The following C16orf74 variants were observed in gnomAD, a reference collection of about 807,000 sequenced individuals.
C16orf74 encodes uncharacterized protein C16orf74.
In C16orf74, 10 loss-of-function variants were observed where a neutral mutation model predicts 6.5. The observed-to-expected ratio is 1.54, with a 90% CI of 0.95 to 2.61. C16orf74 has a LOEUF of 2.61. C16orf74 is among the 30% of genes most tolerant of loss of function. C16orf74 has a pLI of 0.00. For synonymous variants in C16orf74, 60 were observed against 42.5 expected (o/e 1.41, Z -1.60); for missense variants, 141 against 105.9 (o/e 1.33, Z -1.45).
chr16:85,728,867 A>C (rs1303937346), intron 2 of C16orf74, among the ~76,000 whole-genome samples: 1 of 152,208 alleles, frequency 6.6e-6, no homozygotes, highest in Non-Finnish European at 1.5e-5. Context: ...CTCTGACCCC[A>C]GAGCCACTTT....
At chr16:85,737,524 C>T (rs2054257805) in intron 1 of C16orf74, among the ~76,000 whole-genome samples, 1 of 152,166 alleles carries the variant, frequency 6.6e-6, no homozygotes, top group South Asian at 2.1e-4. Context: ...ATAAGAAGAC[C>T]CTGTCTCTAT....
chr16:85,746,039 GT>G (rs1295091043), intron 1 of C16orf74, among the ~76,000 whole-genome samples: 3 of 152,184 alleles, frequency 2.0e-5, no homozygotes, highest in African/African-American at 7.2e-5. Flanking sequence ...ACTATTCATT[GT>G]TTATCTGCAG....
chr16:85,723,157 G>A (rs752190513), intron 2 of C16orf74, among the ~76,000 whole-genome samples: 23 of 151,824 alleles, frequency 1.5e-4, no homozygotes, highest in Non-Finnish European at 2.8e-4. Flanking sequence ...CTACTTGGGA[G>A]GCTGAGGCAG....
At position 85,730,109 on chromosome 16, in the gene C16orf74, G is replaced by A. The variant is rs527711687; in HGVS notation, c.28+5081C>T. Among the ~76,000 whole-genome samples the A allele has an allele frequency of 3.9e-5, 6 of 152,266 alleles. No individual in the cohort carries two copies. In the South Asian group the frequency reaches 1.0e-3, roughly 26 times the overall value. On this transcript the variant is annotated intron_variant, in intron 2 of 3. Transcript: ENST00000284245. Reference sequence around the variant, plus strand: ...CAGCCTCAGAGCCCCTGGGGGAGCTGAGGAAGGAGGAGGTGGCGAGGGCTG... The same window carrying A: ...CAGCCTCAGAGCCCCTGGGGGAGCTAAGGAAGGAGGAGGTGGCGAGGGCTG...
intron 2 of C16orf74, among the ~76,000 whole-genome samples, chr16:85,733,541 G>T (rs1408127806): frequency 6.6e-6 from 1 of 152,154 alleles, no homozygotes; most frequent in Non-Finnish European, 1.5e-5. Flanking sequence ...GGTTAAAACG[G>T]TAAGTTTATG....
intron 2 of C16orf74, among the ~76,000 whole-genome samples, chr16:85,734,542 G>A (rs115562759): frequency 0.013 from 1,915 of 152,314 alleles, 38 homozygotes; most frequent in African/African-American, 0.044. Flanking sequence ...CAGGCAGCGG[G>A]GCCGCAAGTC....
At chr16:85,710,935 C>G (rs776704288) in intron 2 of C16orf74, 1 of 152,304 alleles carries the variant, frequency 6.6e-6, no homozygotes, top group East Asian at 1.9e-4. Context: ...GCTGTGAACA[C>G]CTGGAGGACA....
At chr16:85,714,550 G>A (rs1349111637) in intron 2 of C16orf74, among the ~76,000 whole-genome samples, 3 of 151,868 alleles carry the variant, frequency 2.0e-5, no homozygotes, top group African/African-American at 7.3e-5. Flanking sequence ...CTCCCTAGTA[G>A]CTGGGATTAC....
chr16:85,711,169 C>G (rs910156962), intron 2 of C16orf74, among the ~76,000 whole-genome samples: 2 of 151,542 alleles, frequency 1.3e-5, no homozygotes, highest in African/African-American at 4.9e-5. Flanking sequence ...CGAAAATTAG[C>G]CCGGTGTGGT....
chr16:85,737,443 A>G (rs1353123343), intron 1 of C16orf74, among the ~76,000 whole-genome samples: 1 of 152,218 alleles, frequency 6.6e-6, no homozygotes, highest in Non-Finnish European at 1.5e-5. Flanking sequence ...CGCACCTGTC[A>G]TCCCAGCACT....
At chr16:85,711,163 A>T (rs112843604) in intron 2 of C16orf74, among the ~76,000 whole-genome samples, 2 of 151,750 alleles carry the variant, frequency 1.3e-5, no homozygotes, top group Admixed American at 1.3e-4. Flanking sequence ...AAAATACGAA[A>T]ATTAGCCCGG....
At chr16:85,731,498 G>C (rs934687063) in intron 2 of C16orf74, among the ~76,000 whole-genome samples, 3 of 152,186 alleles carry the variant, frequency 2.0e-5, no homozygotes. Context: ...TGCGGGGCTA[G>C]AGCAGAGGGG....
At chr16:85,713,745 A>C (rs1008556660) in intron 2 of C16orf74, among the ~76,000 whole-genome samples, 2 of 133,188 alleles carry the variant, frequency 1.5e-5, no homozygotes, top group African/African-American at 5.8e-5. Flanking sequence ...GACACGGTTC[A>C]ATCCTTAAAG....
intron 2 of C16orf74, among the ~76,000 whole-genome samples, chr16:85,722,983 A>G (rs2054097713): frequency 6.6e-6 from 1 of 152,204 alleles, no homozygotes; most frequent in Admixed American, 6.5e-5. Flanking sequence ...TCACACAGCT[A>G]ATTTCAGGCT....
intron 2 of C16orf74, among the ~76,000 whole-genome samples, chr16:85,725,236 G>C (rs181318749): frequency 6.6e-6 from 1 of 152,076 alleles, no homozygotes; most frequent in Admixed American, 6.5e-5. Context: ...TGTCTCTCAG[G>C]AGCTCCTGCC....
At chr16:85,720,910 A>G (rs1015702501) in intron 2 of C16orf74, among the ~76,000 whole-genome samples, 7 of 151,846 alleles carry the variant, frequency 4.6e-5, no homozygotes, top group African/African-American at 1.7e-4. Flanking sequence ...CAACATGGTG[A>G]AAACTCATCT....
chr16:85,748,731 G>C (rs1349086275), intron 1 of C16orf74, among the ~76,000 whole-genome samples: 1 of 152,052 alleles, frequency 6.6e-6, no homozygotes, highest in Non-Finnish European at 1.5e-5. Flanking sequence ...AGACTTAAAG[G>C]GACTGTCCTA....
chr16:85,746,217 G>A lies in C16orf74; in HGVS notation c.-19+4709C>T, dbSNP rs554822563. 2.0e-5 allele frequency among the ~76,000 whole-genome samples: 3 copies of A among 152,216 alleles called. No individual in the cohort carries two copies. In the East Asian group the frequency reaches 5.8e-4, roughly 29 times the overall value. On this transcript the variant is annotated intron_variant, in intron 1 of 3. Transcript: ENST00000284245. ...ATACAAAAATTAACTGGGCATGGCA[G>A]AGGGCGCCTGTAATCCCAGCTACTA...
rs543690175 is a variant in C16orf74 at position 85,709,032 on chromosome 16, G to A, written c.173-966C>T. Among the ~76,000 whole-genome samples, 5 of 152,378 alleles carry A rather than the reference G, an allele frequency of 3.3e-5. No homozygotes were observed. In the East Asian group the frequency reaches 9.6e-4, roughly 29 times the overall value. On this transcript the variant is annotated intron_variant, in intron 3 of 3. Transcript: ENST00000284245. ...GGCACCCGTGACTAGCACATGGCAAGTGTCTCAGCCTCTCTCAACCTTAGT... is the reference window on the plus strand; with the variant it reads ...GGCACCCGTGACTAGCACATGGCAAATGTCTCAGCCTCTCTCAACCTTAGT...
Sources: gnomAD v4.1 joint callset for allele counts (sites outside exome capture counted in the v4.1 genomes callset) on GRCh38, gnomAD v4.1.1 for gene constraint, MANE v1.5 for transcripts, NCBI Gene and HGNC (gene_info 2026-07-23, HGNC 2026-07-21) for gene names.